Variants in SH3TC2 observed in about 807,000 individuals in gnomAD.
SH3TC2 encodes the protein SH3 domain and tetratricopeptide repeats 2.
SH3TC2 carries 87 observed loss-of-function variants against 124.5 expected under a neutral mutation model. The observed-to-expected ratio is 0.70, with a 90% confidence interval of 0.59 to 0.84. The LOEUF (loss-of-function observed/expected upper bound fraction) is 0.84, where lower values mean the gene tolerates loss of function less well. Ranked by LOEUF, SH3TC2 falls within the 40% of genes least tolerant of loss-of-function variation. The probability of loss-of-function intolerance (pLI) is 0.00; values close to 1 mark genes in which losing one functional copy is unlikely to be tolerated. For synonymous variants in SH3TC2, 634 were observed against 628.5 expected (o/e 1.01, Z -0.13); for missense variants, 1,536 against 1,566.4 (o/e 0.98, Z 0.33).
rs942842832 is a variant in SH3TC2, at chr5:148,992,981, C to G, written c.*11730G>C. On this transcript the variant is annotated 3_prime_UTR_variant, in exon 17 of 17. Coordinates refer to ENST00000515425, the MANE Select transcript of SH3TC2 (RefSeq NM_024577.4). The stretch of plus-strand genomic sequence containing the variant: ...AAGTTTGTATCATTGATAGTTACCT[C>G]TGATCTGCCACTCTGCCCATCTTCT... Among the ~76,000 whole-genome samples the G allele has an allele frequency of 2.0e-5, 3 of 152,182 alleles. No individual in the cohort carries two copies. Among genetic ancestry groups the G allele is most frequent in the Non-Finnish European group, 4.4e-5 (3 of 68,046 alleles).
At chr5:149,013,021 CA>C (rs1332403811) in intron 12 of SH3TC2, among the ~76,000 whole-genome samples, 2 of 152,170 alleles carry the variant, frequency 1.3e-5, no homozygotes, top group African/African-American at 4.8e-5. Context: ...GTGCTTAGAA[CA>C]GTGCCTATTA....
intron 8 of SH3TC2, among the ~76,000 whole-genome samples, chr5:149,036,263 C>A (rs1754281713): frequency 6.6e-6 from 1 of 152,194 alleles, no homozygotes. Context: ...ACTCTGTAAG[C>A]CATGTAGCTA....
rs1252805136 is a variant in SH3TC2, at chr5:149,002,930, G to A, written c.*1781C>T. 6.5e-6 allele frequency: 1 copy of A among 152,718 alleles called. No homozygotes were observed. The allele number at this position is 152,718 out of a possible 1,614,324, so 9.5% of individuals were successfully genotyped here. ...TGCAGTGGTGCTTCCCATACTTTAGGGTGCATTAAAATCACCAGGAAAGCT... is the reference window on the plus strand; with the variant it reads ...TGCAGTGGTGCTTCCCATACTTTAGAGTGCATTAAAATCACCAGGAAAGCT... On this transcript the variant is annotated 3_prime_UTR_variant, in exon 17 of 17. Coordinates refer to ENST00000515425, the MANE Select transcript of SH3TC2 (RefSeq NM_024577.4).
At chr5:149,011,418 T>C (rs1357115378) in intron 13 of SH3TC2, among the ~76,000 whole-genome samples, 1 of 152,240 alleles carries the variant, frequency 6.6e-6, no homozygotes, top group Admixed American at 6.5e-5. Flanking sequence ...CTGAATTGTC[T>C]GCTCTCTGGA....
Position 148,992,049 on chromosome 5 carries a change from C to G in SH3TC2, c.*12662G>C, listed in dbSNP as rs955364767. The stretch of plus-strand genomic sequence containing the variant: ...AGCTGAGCTAGAGGGTCTCCAAAGC[C>G]CACCAGCTGCCACTTTGTATGACAT... On this transcript the variant is annotated 3_prime_UTR_variant, in exon 17 of 17. Coordinates refer to ENST00000515425, the MANE Select transcript of SH3TC2 (RefSeq NM_024577.4). 3.3e-5 allele frequency among the ~76,000 whole-genome samples: 5 copies of G among 152,308 alleles called. No individual in the cohort carries two copies. Among genetic ancestry groups the G allele is most frequent in the African/African-American group, 1.2e-4 (5 of 41,562 alleles).
At chr5:149,045,154 G>C (rs1398882887) in intron 3 of SH3TC2, 1 of 153,134 alleles carries the variant, frequency 6.5e-6, no homozygotes, top group South Asian at 2.0e-4. Flanking sequence ...AAGATCATCA[G>C]TGTTAACATC....
intron 12 of SH3TC2, among the ~76,000 whole-genome samples, chr5:149,022,503 T>C (rs1753991913): frequency 6.6e-6 from 1 of 152,268 alleles, no homozygotes; most frequent in South Asian, 2.1e-4. Flanking sequence ...AGTTTAAATA[T>C]AGAATTATGG....
At position 149,028,013 on chromosome 5, in the gene SH3TC2, G is replaced by A. The variant is rs1316517743; in HGVS notation, c.1719C>T (p.Ile573=). 2 of 1,614,062 alleles carry A rather than the reference G, an allele frequency of 1.2e-6. No homozygotes were observed. The highest frequency in any genetic ancestry group is 3.3e-5 in the Admixed American group (2 of 60,012). Reference sequence around the variant, plus strand: ...GTTTCAGGTAGATGGCAGCCAAATTGATGTACAGAGTGGCCACCAAGGATA... The same window carrying A: ...GTTTCAGGTAGATGGCAGCCAAATTAATGTACAGAGTGGCCACCAAGGATA... The part of the protein sequence containing the change: ...EDLSLVATLY[I]NLAAIYLKQR... The change falls in exon 11 of 17, where the codon ATC becomes ATT. Residue 573 remains isoleucine (I), a synonymous_variant. Coordinates refer to ENST00000515425, the MANE Select transcript of SH3TC2 (RefSeq NM_024577.4).
chr5:149,026,523 C>T (rs957672766), intron 12 of SH3TC2, 49 bp downstream of exon 12: 54 of 1,607,738 alleles, frequency 3.4e-5, no homozygotes, highest in Non-Finnish European at 4.6e-5. Flanking sequence ...CACTGTTTCT[C>T]CTTAAGGAAG....
At position 149,007,051 on chromosome 5, in the gene SH3TC2, A is replaced by G. The variant is rs753665216; in HGVS notation, c.3505T>C (p.Phe1169Leu). 2 of 1,614,188 alleles carry G rather than the reference A, an allele frequency of 1.2e-6. No homozygotes were observed. The highest frequency in any genetic ancestry group is 1.7e-6 in the Non-Finnish European group (2 of 1,180,028). The change falls in exon 16 of 17, where the codon TTT becomes CTT. Residue 1169 changes from phenylalanine to leucine, a missense_variant. Physicochemically the swap from Phe to Leu is conservative, Grantham distance 22. This residue lies in a region of SH3TC2 where 426 missense variants were observed against 443.5 expected (regional missense o/e 0.96). Transcript: ENST00000515425. The stretch of plus-strand genomic sequence containing the variant: ...TAGTACACTGTAGCCAGGCGGTGAA[A>G]GGCCACCAGCTCTTGCCTCTGATCT... The part of the protein sequence containing the change: ...TGDQRQELVA[F>L]HRLATVYYSL...
rs1753618090 is a variant in SH3TC2 at position 149,002,748 on chromosome 5, T to A, written c.*1963A>T. ...AGAAAAGGAGCAAGGGTGAACCACCTGCATCAGGCTTGCTTGAGTTGCTTT... is the reference window on the plus strand; with the variant it reads ...AGAAAAGGAGCAAGGGTGAACCACCAGCATCAGGCTTGCTTGAGTTGCTTT... On this transcript the variant is annotated 3_prime_UTR_variant, in exon 17 of 17. Transcript: ENST00000515425. 1 of 151,966 alleles carries A rather than the reference T, an allele frequency of 6.6e-6. No homozygotes were observed. Among genetic ancestry groups the A allele is most frequent in the Non-Finnish European group, 1.5e-5 (1 of 68,038 alleles). The allele number at this position is 151,966 out of a possible 1,614,324, so 9.4% of individuals were successfully genotyped here.
At chr5:149,043,898 T>A (rs896427769) in intron 4 of SH3TC2, 3 of 153,054 alleles carry the variant, frequency 2.0e-5, no homozygotes, top group Non-Finnish European at 4.4e-5. Context: ...ATATAAAACA[T>A]CCATCAAATT....
In SH3TC2 at chr5:148,992,316, A is replaced by G. The variant is rs1753431866; in HGVS notation, c.*12395T>C. Among the ~76,000 whole-genome samples, 1 of 152,230 alleles carries G rather than the reference A, an allele frequency of 6.6e-6. No individual in the cohort carries two copies. Among genetic ancestry groups the G allele is most frequent in the Non-Finnish European group, 1.5e-5 (1 of 68,042 alleles). On this transcript the variant is annotated 3_prime_UTR_variant, in exon 17 of 17. Coordinates refer to ENST00000515425, the MANE Select transcript of SH3TC2 (RefSeq NM_024577.4). ...AACCATTCATAATATTAATGAAAAC[A>G]CTAAGAAACCAACAATGCATACAAA...
rs1178944835 is a variant in SH3TC2, at chr5:149,001,690, A to T, written c.*3021T>A. 1 of 152,220 alleles carries T rather than the reference A, an allele frequency of 6.6e-6. No individual in the cohort carries two copies. The highest frequency in any genetic ancestry group is 2.4e-5 in the African/African-American group (1 of 41,460). 9.4% of individuals were successfully genotyped at this position (152,220 alleles called of 1,614,324 possible). On this transcript the variant is annotated 3_prime_UTR_variant, in exon 17 of 17. Transcript: ENST00000515425. ...TATAGCACAATGTTTTTCTTATTTTAAAAAAATAGTCTTACCCTTGTCTTT... is the reference window on the plus strand; with the variant it reads ...TATAGCACAATGTTTTTCTTATTTTTAAAAAATAGTCTTACCCTTGTCTTT...
intron 9 of SH3TC2, among the ~76,000 whole-genome samples, chr5:149,029,356 A>G (rs1331141530): frequency 6.6e-6 from 1 of 152,156 alleles, no homozygotes; most frequent in Non-Finnish European, 1.5e-5. Context: ...AGGATGGGAG[A>G]ATCTGGAGTG....
In SH3TC2 at chr5:149,002,220, G is replaced by T. The variant is rs926411493; in HGVS notation, c.*2491C>A. 6.5e-6 allele frequency: 1 copy of T among 152,754 alleles called. No individual in the cohort carries two copies. The highest frequency in any genetic ancestry group is 2.4e-5 in the African/African-American group (1 of 41,440). The allele number at this position is 152,754 out of a possible 1,614,324, so 9.5% of individuals were successfully genotyped here. A position where few individuals can be genotyped will look rare whatever the true frequency, so the allele number is the denominator to read the frequency against. On this transcript the variant is annotated 3_prime_UTR_variant, in exon 17 of 17. Coordinates refer to ENST00000515425, the MANE Select transcript of SH3TC2 (RefSeq NM_024577.4). ...AATGGCCAGTGGCATGGTTTCCAGGGCTGTGTGAGCCTTCTTCAAATACAC... is the reference window on the plus strand; with the variant it reads ...AATGGCCAGTGGCATGGTTTCCAGGTCTGTGTGAGCCTTCTTCAAATACAC...
In SH3TC2 at chr5:149,028,011, T is replaced by C. The variant is rs201256776; in HGVS notation, c.1721A>G (p.Asn574Ser). The C allele has an allele frequency of 1.5e-4, 247 of 1,614,050 alleles. No individual in the cohort carries two copies. Among genetic ancestry groups the C allele is most frequent in the Middle Eastern group, 1.5e-3 (9 of 6,084 alleles). Reference protein sequence around the residue: ...DLSLVATLYINLAAIYLKQRL... With the variant: ...DLSLVATLYISLAAIYLKQRL... Reference sequence around the variant, plus strand: ...CTGTTTCAGGTAGATGGCAGCCAAATTGATGTACAGAGTGGCCACCAAGGA... The same window carrying C: ...CTGTTTCAGGTAGATGGCAGCCAAACTGATGTACAGAGTGGCCACCAAGGA... The change falls in exon 11 of 17, where the codon AAT becomes AGT. Residue 574 changes from asparagine (N) to serine (S), a missense_variant. By Grantham distance (46) the Asn-to-Ser change is conservative. This residue lies in a region of SH3TC2 where 1,102 missense variants were observed against 1,098.6 expected (regional missense o/e 1.00). Transcript: ENST00000515425.
In SH3TC2 at chr5:149,027,870, C is replaced by T. The variant is rs143032801; in HGVS notation, c.1862G>A (p.Arg621His). Residue 621 changes from arginine to histidine, a missense_variant, in exon 11 of 17, where the codon CGC (arginine) becomes CAC (histidine). By Grantham distance (29) the Arg-to-His change is conservative (BLOSUM62 0). Around this residue, in one of 3 missense-constraint regions of SH3TC2, gnomAD observed 1,102 missense variants for 1,098.6 expected, o/e 1.00. Transcript: ENST00000515425. ...HELDVVAYVL[R>H]QGIVVGSSPL... ...GCTGCTGCCCACCACAATCCCCTGG[C>T]GCAGCACGTAGGCCACCACGTCGAG... The T allele has an allele frequency of 3.1e-4, 498 of 1,613,882 alleles. No individual in the cohort carries two copies. In the African/African-American group the frequency reaches 5.2e-3, roughly 17 times the overall value.
At chr5:149,016,733 G>A (rs1753879617) in intron 12 of SH3TC2, among the ~76,000 whole-genome samples, 1 of 152,000 alleles carries the variant, frequency 6.6e-6, no homozygotes, top group African/African-American at 2.4e-5. Context: ...AGACCATCCT[G>A]GCTAACACGG....
Sources: gnomAD v4.1 joint callset for allele counts (sites outside exome capture counted in the v4.1 genomes callset) on GRCh38, gnomAD v4.1.1 for gene constraint, gnomAD v4.1.1 regional missense constraint, MANE v1.5 for transcripts, NCBI Gene and HGNC (gene_info 2026-07-23, HGNC 2026-07-21) for gene names.